The following KCNU1 variants were observed in gnomAD, a reference collection of about 807,000 sequenced individuals.
The protein encoded by KCNU1 is potassium calcium-activated channel subfamily U member 1.
Under a neutral mutation model 126.8 loss-of-function variants are expected in KCNU1, and 93 were observed. The ratio of observed to expected loss-of-function variants is 0.73; its 90% confidence interval spans 0.62 to 0.87. KCNU1 has a LOEUF of 0.87. Ranked by LOEUF, KCNU1 falls within the 40% of genes least tolerant of loss-of-function variation. The pLI, the probability that KCNU1 is intolerant of heterozygous loss-of-function variation, is 0.00. For synonymous variants in KCNU1, 523 were observed against 494.2 expected, an observed-to-expected ratio of 1.06 and a Z score of -0.77; for missense variants, 1,330 against 1,367.1, an observed-to-expected ratio of 0.97 and a Z score of 0.43.
In KCNU1 at chr8:36,887,444, T is replaced by G. The variant is rs567303299; in HGVS notation, c.2010-18264T>G. Among the ~76,000 whole-genome samples, 183 of 149,896 alleles carry G rather than the reference T, an allele frequency of 1.2e-3. 1 individual carries two copies. Among genetic ancestry groups the G allele is most frequent in the Non-Finnish European group, 2.4e-3 (159 of 67,516 alleles). The stretch of plus-strand genomic sequence containing the variant: ...TTTCACATGTTTATTGGCCATTTGT[T>G]TTTTTTTGTTTTTTTTTTTTTTTTT... On this transcript the variant is annotated intron_variant, in intron 19 of 26. Transcript: ENST00000399881.
At chr8:36,884,273 A>C (rs1335353227) in intron 19 of KCNU1, among the ~76,000 whole-genome samples, 1 of 152,204 alleles carries the variant, frequency 6.6e-6, no homozygotes, top group Non-Finnish European at 1.5e-5. Context: ...GAGGGACTAA[A>C]GCCTCTGGCA....
At chr8:36,844,273 G>A (rs1229220589) in intron 16 of KCNU1, among the ~76,000 whole-genome samples, 6 of 151,938 alleles carry the variant, frequency 3.9e-5, no homozygotes, top group Admixed American at 1.3e-4. Context: ...CCAGCTACTC[G>A]GGAGGCTGAG....
chr8:36,807,733 A>T (rs1803558767), intron 6 of KCNU1, among the ~76,000 whole-genome samples: 1 of 150,796 alleles, frequency 6.6e-6, no homozygotes, highest in Non-Finnish European at 1.5e-5. Context: ...CTCCACCAAA[A>T]AAAAAAAAAA....
chr8:36,809,600 C>T (rs1803634471), intron 7 of KCNU1, among the ~76,000 whole-genome samples: 1 of 152,180 alleles, frequency 6.6e-6, no homozygotes, highest in Non-Finnish European at 1.5e-5. Context: ...AAGCTCTCTA[C>T]ATCCTCCTCA....
At chr8:36,857,226 G>A (rs1374949957) in intron 18 of KCNU1, among the ~76,000 whole-genome samples, 4 of 152,214 alleles carry the variant, frequency 2.6e-5, no homozygotes, top group Non-Finnish European at 5.9e-5. Context: ...GAGTCAGGGA[G>A]ATTAATGCTT....
At chr8:36,813,473 C>T (rs1208718456) in intron 7 of KCNU1, among the ~76,000 whole-genome samples, 6 of 150,774 alleles carry the variant, frequency 4.0e-5, no homozygotes, top group African/African-American at 1.5e-4. Flanking sequence ...TTATTATAAA[C>T]TATACATGTA....
intron 1 of KCNU1, among the ~76,000 whole-genome samples, chr8:36,786,570 C>T (rs1399500265): frequency 6.6e-6 from 1 of 151,948 alleles, no homozygotes; most frequent in Non-Finnish European, 1.5e-5. Flanking sequence ...GTGGGTAGTC[C>T]TAGTTGGTTT....
At chr8:36,892,902 A>T (rs1441089262) in intron 19 of KCNU1, among the ~76,000 whole-genome samples, 3 of 151,870 alleles carry the variant, frequency 2.0e-5, no homozygotes, top group East Asian at 3.9e-4. Flanking sequence ...TTTTATTTTT[A>T]TTCAGTTTCC....
chr8:36,925,682 C>G (rs533694453), intron 24 of KCNU1, among the ~76,000 whole-genome samples: 1 of 152,188 alleles, frequency 6.6e-6, no homozygotes, highest in East Asian at 1.9e-4. Context: ...TTCCGGGGAC[C>G]ATTTGATTTT....
chr8:36,799,678 G>A (rs1480192024), intron 2 of KCNU1, among the ~76,000 whole-genome samples: 1 of 150,160 alleles, frequency 6.7e-6, no homozygotes, highest in Non-Finnish European at 1.5e-5. Context: ...GGGACTACAG[G>A]CACACGCCAC....
At chr8:36,847,005 C>T (rs1369247187) in intron 18 of KCNU1, among the ~76,000 whole-genome samples, 1 of 152,060 alleles carries the variant, frequency 6.6e-6, no homozygotes, top group African/African-American at 2.4e-5. Context: ...TGCAGTGAAC[C>T]GCAAGTCTTC....
Position 36,827,470 on chromosome 8 carries a change from G to C in KCNU1, c.1107-6084G>C, listed in dbSNP as rs538629942. Among the ~76,000 whole-genome samples the C allele has an allele frequency of 3.3e-5, 5 of 152,214 alleles. No homozygotes were observed. In the East Asian group the frequency reaches 9.6e-4, roughly 29 times the overall value. On this transcript the variant is annotated intron_variant, in intron 10 of 26. Transcript: ENST00000399881. ...CTTCTGAATTGTAAAATGCGTTCAG[G>C]GGAAGAAAATTGGACTCAACTCCCG...
intron 20 of KCNU1, among the ~76,000 whole-genome samples, chr8:36,908,205 T>G (rs1337721896): frequency 6.6e-6 from 1 of 152,144 alleles, no homozygotes; most frequent in African/African-American, 2.4e-5. Context: ...GGAATATCAT[T>G]CTTTAAAAGT....
chr8:36,817,063 T>C (rs986851596), intron 9 of KCNU1, among the ~76,000 whole-genome samples: 11 of 152,198 alleles, frequency 7.2e-5, no homozygotes, highest in Non-Finnish European at 1.3e-4. Context: ...GCAATAGTAA[T>C]AGTTGCTCTT....
rs1314778376 is a variant in KCNU1 at position 36,922,406 on chromosome 8, G to GT, written c.2597-83dup. On this transcript the variant is annotated intron_variant, in intron 23 of 26. Coordinates refer to ENST00000399881, the MANE Select transcript of KCNU1 (RefSeq NM_001031836.3). ...AGACATCAGATCTTTTGATCAAGTG[G>GT]TCGCCCCTTGGCCTGCATGGATGGC... 23 of 1,397,282 alleles carry GT rather than the reference G, an allele frequency of 1.6e-5. 1 individual carries two copies. Among genetic ancestry groups the GT allele is most frequent in the Non-Finnish European group, 1.9e-5 (20 of 1,030,274 alleles). The allele number at this position is 1,397,282 out of a possible 1,614,324, so 86.6% of individuals were successfully genotyped here. A position where few individuals can be genotyped will look rare whatever the true frequency, so the allele number is the denominator to read the frequency against.
chr8:36,925,447 G>A lies in KCNU1; in HGVS notation c.2736+2818G>A, dbSNP rs550354995. Reference sequence around the variant, plus strand: ...AGCTCATGAATCTTTAATGTTGTACGCCACAGCAAAATGAACACACTGTAA... The same window carrying A: ...AGCTCATGAATCTTTAATGTTGTACACCACAGCAAAATGAACACACTGTAA... On this transcript the variant is annotated intron_variant, in intron 24 of 26. Coordinates refer to ENST00000399881, the MANE Select transcript of KCNU1 (RefSeq NM_001031836.3). Among the ~76,000 whole-genome samples the A allele has an allele frequency of 5.3e-5, 8 of 152,210 alleles. No individual in the cohort carries two copies. The East Asian group carries it at 5.8e-4, about 11-fold the overall frequency.
chr8:36,923,727 C>T (rs1437837615), intron 24 of KCNU1, among the ~76,000 whole-genome samples: 1 of 152,172 alleles, frequency 6.6e-6, no homozygotes, highest in African/African-American at 2.4e-5. Context: ...GGTCCTGCAT[C>T]CATTGGCTGG....
chr8:36,830,177 A>C (rs185939554), intron 10 of KCNU1, among the ~76,000 whole-genome samples: 1,527 of 151,066 alleles, frequency 0.01, 13 homozygotes, highest in Non-Finnish European at 0.018. Flanking sequence ...TAAATTGTAC[A>C]CATAAGGATT....
intron 19 of KCNU1, among the ~76,000 whole-genome samples, chr8:36,873,958 CA>C (rs1455127867): frequency 2.0e-5 from 3 of 152,110 alleles, no homozygotes; most frequent in Non-Finnish European, 4.4e-5. Context: ...GCTGAAATAT[CA>C]TTATTAAAAT....
Sources: gnomAD v4.1 joint callset for allele counts (sites outside exome capture counted in the v4.1 genomes callset) on GRCh38, gnomAD v4.1.1 for gene constraint, MANE v1.5 for transcripts, NCBI Gene and HGNC (gene_info 2026-07-23, HGNC 2026-07-21) for gene names.